Variants in SYMPK observed in about 807,000 individuals in gnomAD.
SYMPK encodes the protein symplekin scaffold protein, also known as symplekin.
Under a neutral mutation model 136.4 loss-of-function variants are expected in SYMPK, and 49 were observed. The ratio of observed to expected loss-of-function variants is 0.36; its 90% CI spans 0.29 to 0.46. The LOEUF (loss-of-function observed/expected upper bound fraction) is 0.46. SYMPK is among the 20% of genes least tolerant of loss of function. The probability of loss-of-function intolerance (pLI) is 1.00; values close to 1 mark genes in which losing one functional copy is unlikely to be tolerated. For synonymous variants in SYMPK, 766 were observed against 713.0 expected, an observed-to-expected ratio of 1.07 and a Z score of -1.19; for missense variants, 1,365 against 1,690.0, an observed-to-expected ratio of 0.81 and a Z score of 3.37.
chr19:45,823,527 G>A (rs1600495234), intron 19 of SYMPK, 55 bp from the exon 20 acceptor site: 1 of 1,506,148 alleles, frequency 6.6e-7, no homozygotes, highest in Non-Finnish European at 9.2e-7. Context: ...GCGTGGGAAA[G>A]GGTGGGCACC....
chr19:45,830,026 G>A, intron 13 of SYMPK, 28 bp downstream of exon 13: 1 of 1,531,966 alleles, frequency 6.5e-7, no homozygotes, highest in South Asian at 1.2e-5. Flanking sequence ...GGACTGGAAG[G>A]ATGGGGTGGG....
intron 13 of SYMPK, among the ~76,000 whole-genome samples, chr19:45,829,782 AG>A (rs975712332): frequency 6.6e-6 from 1 of 152,254 alleles, no homozygotes; most frequent in African/African-American, 2.4e-5. Context: ...CCACAAGAGC[AG>A]CCCTCACTTG....
At chr19:45,826,479 G>A (rs1971046775) in intron 16 of SYMPK, 106 bp from the exon 17 acceptor site, 3 of 1,254,764 alleles carry the variant, frequency 2.4e-6, no homozygotes, top group Non-Finnish European at 2.3e-6. Context: ...CCGAGGCTGA[G>A]AAGGGGCAGC....
At position 45,838,568 on chromosome 19, in the gene SYMPK, G is replaced by A. The variant is rs1270109268; in HGVS notation, c.1135C>T (p.Pro379Ser). The change falls in exon 10 of 27, where the codon CCG (proline) becomes TCG (serine). Residue 379 changes from proline (P) to serine (S), a missense_variant. Physicochemically the swap from Pro to Ser is moderately conservative, Grantham distance 74. Around this residue, in one of 11 missense-constraint regions of SYMPK, gnomAD observed 111 missense variants for 141.2 expected, o/e 0.79. Coordinates refer to ENST00000245934, the MANE Select transcript of SYMPK (RefSeq NM_004819.3). ...GCTGAGGCCTTCGAGGTCCCCGACG[G>A]GCCTGGCTCCAAGTCTTTGTCCTCA... ...DDEDKDLEPG[P>S]SGTSKASAQI... 6.2e-7 allele frequency: 1 copy of A among 1,614,162 alleles called. No homozygotes were observed. Among genetic ancestry groups the A allele is most frequent in the East Asian group, 2.2e-5 (1 of 44,884 alleles).
chr19:45,826,520 C>A, intron 16 of SYMPK, 147 bp from the exon 17 acceptor site: 1 of 836,374 alleles, frequency 1.2e-6, no homozygotes, highest in East Asian at 2.7e-5. Context: ...GGGCTGGTCC[C>A]CAGTGCAGGA....
At chr19:45,828,116 C>T in intron 14 of SYMPK, 198 bp from the exon 15 acceptor site, 2 of 563,580 alleles carry the variant, frequency 3.5e-6, no homozygotes, top group Non-Finnish European at 6.4e-6. Context: ...AGAGACTGCA[C>T]CTCTCTGAAA....
chr19:45,842,668 G>T, intron 8 of SYMPK, 179 bp from the exon 9 acceptor site: 2 of 717,800 alleles, frequency 2.8e-6, no homozygotes, highest in Non-Finnish European at 4.5e-6. Flanking sequence ...AACCCTGGGG[G>T]TCTCCATCAG....
Position 45,816,804 on chromosome 19 carries a change from G to A in SYMPK, c.3252C>T (p.Pro1084=). 3 of 1,533,128 alleles carry A rather than the reference G, an allele frequency of 2.0e-6. No individual in the cohort carries two copies. The highest frequency in any genetic ancestry group is 2.6e-6 in the Non-Finnish European group (3 of 1,139,304). 95.0% of individuals were successfully genotyped at this position (1,533,128 alleles called of 1,614,324 possible). The change falls in exon 24 of 27, where the codon CCC becomes CCT. Residue 1084 remains proline (P), a synonymous_variant. Coordinates refer to ENST00000245934, the MANE Select transcript of SYMPK (RefSeq NM_004819.3). ...PLLAHVRSFT[P]HQQAHIPNSI... Reference sequence around the variant, plus strand: ...TGGTGGGGGGAAGGGGTACCTGGTGGGGGGTGAAGGAGCGGACATGGGCCA... The same window carrying A: ...TGGTGGGGGGAAGGGGTACCTGGTGAGGGGTGAAGGAGCGGACATGGGCCA...
Position 45,854,314 on chromosome 19 carries a change from G to A in SYMPK, c.106-74C>T, listed in dbSNP as rs565719174. 694 of 1,606,846 alleles carry A rather than the reference G, an allele frequency of 4.3e-4. 3 individuals carry two copies. In the African/African-American group the frequency reaches 8.1e-3, roughly 19 times the overall value. ...AGTGCAGCCCCCTCGGCACTCCCAG[G>A]GCTCTGCCACCTAAACAGGGATTGC... On this transcript the variant is annotated intron_variant, in intron 2 of 26. Coordinates refer to ENST00000245934, the MANE Select transcript of SYMPK (RefSeq NM_004819.3).
Position 45,854,184 on chromosome 19 carries a change from C to T in SYMPK, c.162G>A (p.Val54=). ...CCCCCCGGGCCCTCACCTGTTTGAG[C>T]ACTGTGATCTTTGAGTCATTGGTGA... ...ALITNDSKIT[V]LKQVQELIIN... is the part of the protein sequence containing the mutation. The change falls in exon 3 of 27, where the codon GTG becomes GTA. Residue 54 remains valine (V), a synonymous_variant. Transcript: ENST00000245934. The T allele has an allele frequency of 1.2e-6, 2 of 1,614,158 alleles. No homozygotes were observed. The highest frequency in any genetic ancestry group is 1.7e-6 in the Non-Finnish European group (2 of 1,180,018).
chr19:45,862,332 C>A (rs888361828), intron 1 of SYMPK, among the ~76,000 whole-genome samples: 4 of 152,178 alleles, frequency 2.6e-5, no homozygotes, highest in Admixed American at 2.0e-4. Context: ...GGTACCCTGC[C>A]CCACTGCTAC....
intron 12 of SYMPK, chr19:45,830,898 T>TA (rs1555794310): frequency 2.0e-5 from 3 of 151,246 alleles, no homozygotes; most frequent in Non-Finnish European, 4.4e-5. Context: ...CAAAAAAAAA[T>TA]AATAAATAAA....
rs116810213 is a variant in SYMPK, at chr19:45,828,847, T to G, written c.1985+123A>C. Reference sequence around the variant, plus strand: ...GGGGAGGAGGAGAGGAGACTTGGGATGGGTGCGAGGAGGACTGACTCGGGG... The same window carrying G: ...GGGGAGGAGGAGAGGAGACTTGGGAGGGGTGCGAGGAGGACTGACTCGGGG... On this transcript the variant is annotated intron_variant, in intron 14 of 26. Coordinates refer to ENST00000245934, the MANE Select transcript of SYMPK (RefSeq NM_004819.3). The G allele has an allele frequency of 6.5e-3, 5,846 of 899,820 alleles. 230 individuals carry two copies. In the African/African-American group the frequency reaches 0.086, roughly 13 times the overall value. 55.7% of individuals were successfully genotyped at this position (899,820 alleles called of 1,614,324 possible).
Position 45,843,982 on chromosome 19 carries a change from C to T in SYMPK, c.847+48G>A, listed in dbSNP as rs767940580. 5 of 537,544 alleles carry T rather than the reference C, an allele frequency of 9.3e-6. No homozygotes were observed. The East Asian group carries it at 2.5e-4, about 27-fold the overall frequency. 33.3% of individuals were successfully genotyped at this position (537,544 alleles called of 1,614,324 possible). On this transcript the variant is annotated intron_variant, in intron 8 of 26. Coordinates refer to ENST00000245934, the MANE Select transcript of SYMPK (RefSeq NM_004819.3). ...AAAAAAAAAAAAAAGAAAGAGCAGA[C>T]TGGCCAGTGAAGAGAAGGCAGGGGG...
intron 11 of SYMPK, among the ~76,000 whole-genome samples, chr19:45,834,760 T>C (rs1296833542): frequency 3.9e-5 from 6 of 152,230 alleles, no homozygotes; most frequent in Non-Finnish European, 7.3e-5. Flanking sequence ...ATTTCACTTA[T>C]GTGTATCACA....
rs1971014345 is a variant in SYMPK, at chr19:45,825,274, G to A, written c.2387C>T (p.Ala796Val). The A allele has an allele frequency of 1.2e-6, 2 of 1,614,186 alleles. No individual in the cohort carries two copies. Among genetic ancestry groups the A allele is most frequent in the East Asian group, 2.2e-5 (1 of 44,884 alleles). ...CAGCTTGTGGTTCTGAGGCAGGAGGGCCAGGTAGAGGTACAGACACTGCTT... is the reference window on the plus strand; with the variant it reads ...CAGCTTGTGGTTCTGAGGCAGGAGGACCAGGTAGAGGTACAGACACTGCTT... ...TVKQCLYLYL[A>V]LLPQNHKLIH... Residue 796 changes from alanine to valine, a missense_variant, in exon 18 of 27, where the codon GCC becomes GTC. Transcript: ENST00000245934.
chr19:45,831,697 C>T (rs4803866), intron 11 of SYMPK, 109 bp from the exon 12 acceptor site: 699,920 of 823,402 alleles, frequency 0.85, 297,961 homozygotes, highest in African/African-American at 0.9. Flanking sequence ...CACAAAACCT[C>T]GTTTAAATCC....
intron 1 of SYMPK, 145 bp downstream of exon 1, chr19:45,862,913 G>A (rs1049979704): frequency 4.3e-5 from 17 of 399,256 alleles, no homozygotes; most frequent in South Asian, 1.4e-4. Context: ...GGGAGCCAAG[G>A]AAGGGTCCTG....
intron 16 of SYMPK, among the ~76,000 whole-genome samples, chr19:45,826,811 G>A (rs1971052794): frequency 6.6e-6 from 1 of 152,254 alleles, no homozygotes; most frequent in Non-Finnish European, 1.5e-5. Context: ...GCCAGGGCCA[G>A]GGCCAGGGGT....
Sources: allele counts gnomAD v4.1 joint callset (sites outside exome capture counted in the v4.1 genomes callset), GRCh38; gene constraint gnomAD v4.1.1; regional missense constraint gnomAD v4.1.1; transcripts MANE v1.5; gene names NCBI Gene and HGNC (gene_info 2026-07-23, HGNC 2026-07-21).